CNTNAP4: variants seen among roughly 807,000 people sequenced by gnomAD.
CNTNAP4 encodes contactin associated protein family member 4.
Under a neutral mutation model 148.4 loss-of-function variants are expected in CNTNAP4, and 98 were observed. The observed-to-expected ratio is 0.66, with a 90% CI of 0.56 to 0.78. The LOEUF (loss-of-function observed/expected upper bound fraction) is 0.78. Among genes scored for constraint, CNTNAP4 ranks in the 30% least tolerant of loss-of-function variants. The pLI is 0.00. For missense variants in CNTNAP4, 1,935 were observed against 1,565.6 expected, an observed-to-expected ratio of 1.24 and a Z score of -3.98; for synonymous variants, 730 against 565.1, an observed-to-expected ratio of 1.29 and a Z score of -4.14.
chr16:76,496,109 G>A (rs567063484), intron 14 of CNTNAP4, among the ~76,000 whole-genome samples: 38 of 152,002 alleles, frequency 2.5e-4, no homozygotes, highest in Admixed American at 5.2e-4. Flanking sequence ...GTGTGTGTGC[G>A]TGTATTTCTT....
chr16:76,362,823 A>G (rs893073022), intron 3 of CNTNAP4, among the ~76,000 whole-genome samples: 1 of 152,208 alleles, frequency 6.6e-6, no homozygotes, highest in Non-Finnish European at 1.5e-5. Context: ...CTAGGTCACA[A>G]AATAATCTGT....
intron 3 of CNTNAP4, among the ~76,000 whole-genome samples, chr16:76,419,039 T>C (rs1394293509): frequency 3.3e-5 from 5 of 152,130 alleles, no homozygotes; most frequent in Admixed American, 2.6e-4. Flanking sequence ...GTGTGGTGGT[T>C]CGATGTGTAA....
intron 17 of CNTNAP4, among the ~76,000 whole-genome samples, chr16:76,526,764 C>T (rs923787465): frequency 2.6e-5 from 4 of 152,124 alleles, no homozygotes; most frequent in Non-Finnish European, 5.9e-5. Flanking sequence ...TCCTTGATCT[C>T]CTGGGCTCAA....
At chr16:76,466,102 A>G (rs1321044214) in intron 9 of CNTNAP4, among the ~76,000 whole-genome samples, 2 of 152,302 alleles carry the variant, frequency 1.3e-5, no homozygotes, top group East Asian at 1.9e-4. Flanking sequence ...TAAAAAAATA[A>G]TAACCACCCA....
chr16:76,395,097 C>G (rs1226688842), intron 3 of CNTNAP4, among the ~76,000 whole-genome samples: 1 of 152,170 alleles, frequency 6.6e-6, no homozygotes, highest in Non-Finnish European at 1.5e-5. Flanking sequence ...GTGACTCTCC[C>G]AATGACCATC....
At chr16:76,453,506 T>C (rs1313545178) in intron 8 of CNTNAP4, among the ~76,000 whole-genome samples, 1 of 152,190 alleles carries the variant, frequency 6.6e-6, no homozygotes, top group East Asian at 1.9e-4. Context: ...TACATCACAT[T>C]TTTACGTATG....
intron 3 of CNTNAP4, among the ~76,000 whole-genome samples, chr16:76,371,147 A>T (rs1446960760): frequency 6.6e-6 from 1 of 152,178 alleles, no homozygotes. Context: ...CAAAACATAG[A>T]TTTGCTTTCT....
Position 76,462,082 on chromosome 16 carries a change from C to G in CNTNAP4, c.1460C>G (p.Ser487Trp). 1.2e-6 allele frequency: 2 copies of G among 1,613,458 alleles called. No individual in the cohort carries two copies. The highest frequency in any genetic ancestry group is 1.7e-6 in the Non-Finnish European group (2 of 1,179,666). The change falls in exon 9 of 24, where the codon TCG becomes TGG. Residue 487 changes from serine to tryptophan, a missense_variant. Ser to Trp is a radical substitution (Grantham distance 177, BLOSUM62 -3). Coordinates refer to ENST00000611870, the MANE Select transcript of CNTNAP4 (RefSeq NM_033401.5). ...CTGCTGGGGCCTGAGCAGATTTATT[C>G]GGGTGGCACCTATTATTTTGGAGGT... Reference protein sequence around the residue: ...APLLGPEQIYSGGTYYFGGCP... With the variant: ...APLLGPEQIYWGGTYYFGGCP...
At chr16:76,437,681 C>T (rs777234894) in intron 4 of CNTNAP4, among the ~76,000 whole-genome samples, 20 of 152,150 alleles carry the variant, frequency 1.3e-4, no homozygotes, top group African/African-American at 3.1e-4. Flanking sequence ...AGAGGAAACA[C>T]GAACCATATC....
At chr16:76,478,377 C>G (rs1245356926) in intron 11 of CNTNAP4, among the ~76,000 whole-genome samples, 4 of 152,180 alleles carry the variant, frequency 2.6e-5, no homozygotes, top group African/African-American at 9.6e-5. Flanking sequence ...ATGCTTATAT[C>G]TCTATCAGCA....
intron 2 of CNTNAP4, among the ~76,000 whole-genome samples, chr16:76,333,835 A>G (rs565213133): frequency 1.1e-5 from 1 of 92,306 alleles, no homozygotes; most frequent in Non-Finnish European, 2.0e-5. Flanking sequence ...AAAAAAGCCT[A>G]TTCTTCCACA....
At chr16:76,399,058 C>T (rs1198405062) in intron 3 of CNTNAP4, among the ~76,000 whole-genome samples, 3 of 152,106 alleles carry the variant, frequency 2.0e-5, no homozygotes, top group African/African-American at 7.2e-5. Flanking sequence ...TGCGCAAGCT[C>T]TCTTGCCTGC....
intron 8 of CNTNAP4, among the ~76,000 whole-genome samples, chr16:76,458,866 T>A (rs2080833549): frequency 6.6e-6 from 1 of 152,214 alleles, no homozygotes; most frequent in South Asian, 2.1e-4. Flanking sequence ...CGAATAGTAA[T>A]TCTACTTTTA....
intron 9 of CNTNAP4, among the ~76,000 whole-genome samples, chr16:76,466,668 A>T (rs1182380712): frequency 6.6e-6 from 1 of 152,050 alleles, no homozygotes; most frequent in Admixed American, 6.5e-5. Context: ...TATATTTATT[A>T]TTTAAATAAT....
chr16:76,353,329 G>T (rs992324365), intron 2 of CNTNAP4, among the ~76,000 whole-genome samples: 4 of 152,178 alleles, frequency 2.6e-5, no homozygotes, highest in Non-Finnish European at 5.9e-5. Flanking sequence ...CAAGAGAGGA[G>T]CTTCTTGTAA....
intron 11 of CNTNAP4, among the ~76,000 whole-genome samples, chr16:76,477,173 G>A (rs955339373): frequency 3.3e-5 from 5 of 152,000 alleles, no homozygotes; most frequent in Non-Finnish European, 7.4e-5. Flanking sequence ...CTAGAGCCTG[G>A]GATAACAACC....
At position 76,522,222 on chromosome 16, in the gene CNTNAP4, A is replaced by G. The variant is rs895102543; in HGVS notation, c.2720A>G (p.His907Arg). The G allele has an allele frequency of 5.6e-6, 9 of 1,613,970 alleles. No individual in the cohort carries two copies. Among genetic ancestry groups the G allele is most frequent in the Admixed American group, 1.7e-5 (1 of 60,006 alleles). ...PKTQPAPADG[H>R]VLLQLNSQLF... Reference sequence around the variant, plus strand: ...ACACAGCCCGCCCCCGCTGATGGGCATGTCCTGTTACAGCTCAACAGTCAG... The same window carrying G: ...ACACAGCCCGCCCCCGCTGATGGGCGTGTCCTGTTACAGCTCAACAGTCAG... The change falls in exon 17 of 24, where the codon CAT (histidine) becomes CGT (arginine). Residue 907 changes from histidine (H) to arginine (R), a missense_variant. Physicochemically the swap from His to Arg is conservative, Grantham distance 29. Transcript: ENST00000611870.
chr16:76,474,901 C>T (rs541337214), intron 10 of CNTNAP4, among the ~76,000 whole-genome samples: 1 of 152,242 alleles, frequency 6.6e-6, no homozygotes, highest in African/African-American at 2.4e-5. Flanking sequence ...AAATAATATA[C>T]ATGATTTGGA....
At chr16:76,439,217 T>A (rs2079947050) in intron 4 of CNTNAP4, among the ~76,000 whole-genome samples, 1 of 152,098 alleles carries the variant, frequency 6.6e-6, no homozygotes, top group Admixed American at 6.6e-5. Context: ...AAAAAAAATC[T>A]GATTATCCAT....
Sources: allele counts gnomAD v4.1 joint callset (sites outside exome capture counted in the v4.1 genomes callset), GRCh38; gene constraint gnomAD v4.1.1; transcripts MANE v1.5; gene names NCBI Gene and HGNC (gene_info 2026-07-23, HGNC 2026-07-21).